RORB: variants seen among roughly 807,000 people sequenced by gnomAD.
The protein encoded by RORB is nuclear receptor ROR-beta.
In RORB, 6 loss-of-function variants were observed where a neutral mutation model predicts 59.1. The observed-to-expected ratio is 0.10, with a 90% CI of 0.06 to 0.20. RORB has a LOEUF of 0.20. RORB is among the 10% of genes least tolerant of loss of function. The pLI is 1.00. For missense variants in RORB, 320 were observed against 560.5 expected (o/e 0.57, Z 4.33); for synonymous variants, 215 against 204.5 (o/e 1.05, Z -0.44).
chr9:74,642,336 C>A (rs764826873), intron 3 of RORB, 78 bp from the exon 4 acceptor site: 9 of 1,416,580 alleles, frequency 6.4e-6, no homozygotes, highest in Non-Finnish European at 8.6e-6. Flanking sequence ...GACAACCATC[C>A]CATGACCCGT....
chr9:74,513,464 C>T (rs1825968308), intron 1 of RORB, among the ~76,000 whole-genome samples: 1 of 151,896 alleles, frequency 6.6e-6, no homozygotes, highest in South Asian at 2.1e-4. Context: ...ACATTTGTAA[C>T]ATATTTGTGT....
chr9:74,546,912 A>C (rs1159462422), intron 1 of RORB, among the ~76,000 whole-genome samples: 1 of 152,056 alleles, frequency 6.6e-6, no homozygotes, highest in South Asian at 2.1e-4. Context: ...GGCCAACATG[A>C]TGAGACCCTG....
chr9:74,667,855 C>G lies in RORB; in HGVS notation c.1065C>G (p.Thr355=). Residue 355 remains threonine (T), a synonymous_variant, in exon 8 of 10, where the codon ACC becomes ACG. Coordinates refer to ENST00000376896, the MANE Select transcript of RORB (RefSeq NM_006914.4). ...AGAATTTGTGTTCCTTGCAGCTGAC[C>G]GAGGAGGAGATCGCTTTGTTCTCAT... ...FAKNLCSLQL[T]EEEIALFSSA... 1 of 1,613,520 alleles carries G rather than the reference C, an allele frequency of 6.2e-7. No individual in the cohort carries two copies. The highest frequency in any genetic ancestry group is 1.3e-5 in the African/African-American group (1 of 74,962).
intron 1 of RORB, among the ~76,000 whole-genome samples, chr9:74,569,872 C>G (rs911150852): frequency 6.6e-6 from 1 of 152,016 alleles, no homozygotes; most frequent in Non-Finnish European, 1.5e-5. Flanking sequence ...TGTATGTTTT[C>G]TCCACCAAAT....
At chr9:74,634,212 T>C (rs1297203423) in intron 2 of RORB, among the ~76,000 whole-genome samples, 1 of 152,202 alleles carries the variant, frequency 6.6e-6, no homozygotes, top group Non-Finnish European at 1.5e-5. Flanking sequence ...TACCAATACT[T>C]CAAGTTCCTC....
intron 1 of RORB, among the ~76,000 whole-genome samples, chr9:74,559,739 G>T (rs1395874925): frequency 6.6e-6 from 1 of 152,060 alleles, no homozygotes; most frequent in Non-Finnish European, 1.5e-5. Flanking sequence ...AGAGATGAAT[G>T]CACCTTGATA....
chr9:74,663,349 A>G (rs1824220149), intron 6 of RORB, among the ~76,000 whole-genome samples: 3 of 152,204 alleles, frequency 2.0e-5, no homozygotes, highest in Non-Finnish European at 2.9e-5. Context: ...ATCTTGTGAG[A>G]TCCATATTAT....
At chr9:74,498,226 G>A in intron 1 of RORB, 1 of 594,874 alleles carries the variant, frequency 1.7e-6, no homozygotes, top group East Asian at 2.8e-5. Flanking sequence ...GGGGAGACAG[G>A]CTAGTTGGTT....
At chr9:74,652,850 A>T (rs1456664702) in intron 4 of RORB, among the ~76,000 whole-genome samples, 1 of 152,198 alleles carries the variant, frequency 6.6e-6, no homozygotes, top group African/African-American at 2.4e-5. Context: ...ATTTCTGCTT[A>T]AAAAAACTTG....
chr9:74,610,656 A>C (rs2118355918), intron 1 of RORB, among the ~76,000 whole-genome samples: 1 of 152,346 alleles, frequency 6.6e-6, no homozygotes, highest in African/African-American at 2.4e-5. Flanking sequence ...ACAGATGATG[A>C]AACTGAAACA....
chr9:74,557,405 CAG>C (rs1822322660), intron 1 of RORB, among the ~76,000 whole-genome samples: 2 of 152,160 alleles, frequency 1.3e-5, no homozygotes, highest in Admixed American at 1.3e-4. Flanking sequence ...GCCTTACACA[CAG>C]AGGAGAATAG....
At chr9:74,590,140 A>C (rs751110813) in intron 1 of RORB, among the ~76,000 whole-genome samples, 1 of 151,794 alleles carries the variant, frequency 6.6e-6, no homozygotes, top group Non-Finnish European at 1.5e-5. Context: ...CAGTAGTAAC[A>C]GTAGTAGTAG....
intron 1 of RORB, among the ~76,000 whole-genome samples, chr9:74,570,053 A>T (rs1243544163): frequency 1.3e-5 from 2 of 152,098 alleles, no homozygotes; most frequent in East Asian, 1.9e-4. Flanking sequence ...TAAAATTGCC[A>T]ATCTTATAAT....
intron 3 of RORB, among the ~76,000 whole-genome samples, chr9:74,636,226 T>C (rs1823701107): frequency 6.6e-6 from 1 of 152,204 alleles, no homozygotes; most frequent in African/African-American, 2.4e-5. Context: ...TCTGAGTTGA[T>C]GACTTTGCAC....
chr9:74,601,603 T>A (rs1823057868), intron 1 of RORB, among the ~76,000 whole-genome samples: 1 of 152,106 alleles, frequency 6.6e-6, no homozygotes, highest in African/African-American at 2.4e-5. Flanking sequence ...ACTACTCAAT[T>A]CTCTACGATT....
intron 1 of RORB, among the ~76,000 whole-genome samples, chr9:74,612,559 T>C (rs879551663): frequency 6.6e-6 from 1 of 152,232 alleles, no homozygotes; most frequent in Non-Finnish European, 1.5e-5. Flanking sequence ...CCTTTGTTTC[T>C]AGGCGACAAG....
chr9:74,615,602 G>T, intron 1 of RORB: 1 of 454,724 alleles, frequency 2.2e-6, no homozygotes, highest in Non-Finnish European at 4.4e-6. Flanking sequence ...ACGTCAAAAT[G>T]TGTGAGAACC....
intron 1 of RORB, among the ~76,000 whole-genome samples, chr9:74,512,976 C>T (rs1246181134): frequency 6.6e-6 from 1 of 152,060 alleles, no homozygotes; most frequent in East Asian, 1.9e-4. Flanking sequence ...AATGAATGAG[C>T]AAAATCGTCT....
chr9:74,507,304 GT>G (rs1380841157), intron 1 of RORB, among the ~76,000 whole-genome samples: 1 of 151,992 alleles, frequency 6.6e-6, no homozygotes, highest in Non-Finnish European at 1.5e-5. Flanking sequence ...TGCTATTTTG[GT>G]TTTTCCATTA....
Sources: allele counts gnomAD v4.1 joint callset (sites outside exome capture counted in the v4.1 genomes callset), GRCh38; gene constraint gnomAD v4.1.1; transcripts MANE v1.5; gene names NCBI Gene and HGNC (gene_info 2026-07-23, HGNC 2026-07-21).